Variants in PCDHA4 observed in about 807,000 individuals in gnomAD.
PCDHA4 encodes the protein protocadherin alpha-4.
Under a neutral mutation model 61.4 loss-of-function variants are expected in PCDHA4, and 49 were observed. The ratio of observed to expected loss-of-function variants is 0.80; its 90% CI spans 0.63 to 1.01. The LOEUF (loss-of-function observed/expected upper bound fraction) is 1.01, where lower values mean the gene tolerates loss of function less well. PCDHA4 is among the 50% of genes least tolerant of loss of function. The probability of loss-of-function intolerance (pLI) is 0.00; values close to 1 mark genes in which losing one functional copy is unlikely to be tolerated. For missense variants in PCDHA4, 1,254 were observed against 1,235.8 expected, an observed-to-expected ratio of 1.01 and a Z score of -0.22; for synonymous variants, 590 against 550.3, an observed-to-expected ratio of 1.07 and a Z score of -1.01.
At chr5:140,863,693 C>G (rs2048122696) in intron 1 of PCDHA4, 2 of 301,444 alleles carry the variant, frequency 6.6e-6, no homozygotes, top group African/African-American at 2.2e-5. Flanking sequence ...TTTTGAGATG[C>G]TTTATTTAAA....
intron 1 of PCDHA4, among the ~76,000 whole-genome samples, chr5:140,941,845 C>T (rs2093180727): frequency 6.6e-6 from 1 of 152,160 alleles, no homozygotes. Context: ...GCTGCCATTA[C>T]CTGATATTCC....
At chr5:140,926,557 C>G (rs2083347198) in intron 1 of PCDHA4, 1 of 241,254 alleles carries the variant, frequency 4.1e-6, no homozygotes. Context: ...GACCCCAGCC[C>G]GCTGCTACTG....
chr5:141,009,627 A>G lies in PCDHA4; in HGVS notation c.2534A>G (p.Glu845Gly), dbSNP rs782179145. 6.2e-7 allele frequency: 1 copy of G among 1,612,842 alleles called. No individual in the cohort carries two copies. The highest frequency in any genetic ancestry group is 1.1e-5 in the South Asian group (1 of 90,980). The change falls in exon 4 of 4, where the codon GAA becomes GGA. Residue 845 changes from glutamate (E) to glycine (G), a missense_variant and splice_region_variant. By Grantham distance (98) the Glu-to-Gly change is moderately conservative (BLOSUM62 -2). Coordinates refer to ENST00000530339, the MANE Select transcript of PCDHA4 (RefSeq NM_018907.4). Reference protein sequence around the residue: ...QWPTVSSATPEPEAGEVSPPV... With the variant: ...QWPTVSSATPGPEAGEVSPPV... ...TGATTTGTAATGTTTTGTCTTTCAGAACCAGAGGCAGGAGAAGTGTCCCCT... is the reference window on the plus strand; with the variant it reads ...TGATTTGTAATGTTTTGTCTTTCAGGACCAGAGGCAGGAGAAGTGTCCCCT...
intron 3 of PCDHA4, among the ~76,000 whole-genome samples, chr5:141,002,135 G>C (rs1265359430): frequency 2.6e-5 from 4 of 152,236 alleles, no homozygotes; most frequent in Admixed American, 2.6e-4. Flanking sequence ...AGCCTTTGCC[G>C]GCTGCACTGA....
At position 140,809,412 on chromosome 5, in the gene PCDHA4, C is replaced by A. The variant is rs1428831386; in HGVS notation, c.2225C>A (p.Ser742Tyr). ...CCGGGCAAGCCCACGCTGGTGTGCTCCAGTGCGGTGGGGAGCTGGTCATAC... is the reference window on the plus strand; with the variant it reads ...CCGGGCAAGCCCACGCTGGTGTGCTACAGTGCGGTGGGGAGCTGGTCATAC... ...CAPGKPTLVCSSAVGSWSYSQ... is the reference protein window; with the variant it reads ...CAPGKPTLVCYSAVGSWSYSQ... The change falls in exon 1 of 4, where the codon TCC becomes TAC. Residue 742 changes from serine (S) to tyrosine (Y), a missense_variant. Coordinates refer to ENST00000530339, the MANE Select transcript of PCDHA4 (RefSeq NM_018907.4). 1.2e-5 allele frequency: 20 copies of A among 1,614,092 alleles called. No individual in the cohort carries two copies. Among genetic ancestry groups the A allele is most frequent in the Non-Finnish European group, 1.7e-5 (20 of 1,180,034 alleles).
rs1554125155 is a variant in PCDHA4 at position 140,809,341 on chromosome 5, C to A, written c.2154C>A (p.Tyr718Ter). 4 of 1,613,952 alleles carry A rather than the reference C, an allele frequency of 2.5e-6. No homozygotes were observed. In the Admixed American group the frequency reaches 6.7e-5, roughly 27 times the overall value. Reference protein sequence around the residue: ...SSLLVLTLLLYTALRCSALPT... With the variant: ...SSLLVLTLLL Reference sequence around the variant, plus strand: ...TTTTGGTGCTCACGCTGCTGCTGTACACCGCGCTGCGGTGCTCTGCGCTGC... The same window carrying A: ...TTTTGGTGCTCACGCTGCTGCTGTAAACCGCGCTGCGGTGCTCTGCGCTGC... Residue 718 changes from tyrosine (Y) to a stop codon, truncating the protein, a stop_gained, in exon 1 of 4, where the codon TAC becomes TAA. Transcript: ENST00000530339. LOFTEE classifies it high-confidence loss of function.
intron 1 of PCDHA4, chr5:140,850,917 T>G: frequency 6.5e-7 from 1 of 1,530,140 alleles, no homozygotes; most frequent in Non-Finnish European, 8.8e-7. Context: ...TTTATTTATT[T>G]ATATAATTTT....
chr5:140,822,200 T>G, intron 1 of PCDHA4: 1 of 1,614,242 alleles, frequency 6.2e-7, no homozygotes, highest in Non-Finnish European at 8.5e-7. Flanking sequence ...TTATTCATTT[T>G]AGAGTCAAGA....
intron 1 of PCDHA4, among the ~76,000 whole-genome samples, chr5:140,953,094 C>A (rs2094845891): frequency 6.6e-6 from 1 of 152,172 alleles, no homozygotes; most frequent in South Asian, 2.1e-4. Flanking sequence ...TACAATTTGA[C>A]ATGAGATTTG....
chr5:140,883,557 G>T, intron 1 of PCDHA4: 1 of 1,614,214 alleles, frequency 6.2e-7, no homozygotes, highest in South Asian at 1.1e-5. Flanking sequence ...GCGCGGGACG[G>T]GGGCTCGCCT....
At chr5:140,925,978 T>G (rs2082847274) in intron 1 of PCDHA4, among the ~76,000 whole-genome samples, 1 of 152,164 alleles carries the variant, frequency 6.6e-6, no homozygotes, top group Admixed American at 6.5e-5. Flanking sequence ...AAAAAAGCCT[T>G]GAGCTCGCTG....
chr5:140,933,646 A>G (rs1459396156), intron 1 of PCDHA4, among the ~76,000 whole-genome samples: 16 of 152,120 alleles, frequency 1.1e-4, no homozygotes, highest in African/African-American at 3.9e-4. Flanking sequence ...AACAAGTTGG[A>G]AATCCTGTCT....
chr5:140,919,709 G>T (rs782509447), intron 1 of PCDHA4, among the ~76,000 whole-genome samples: 5 of 152,076 alleles, frequency 3.3e-5, no homozygotes, highest in Non-Finnish European at 7.4e-5. Context: ...CTTAATTCTA[G>T]TGAGATATAA....
In PCDHA4 at chr5:140,849,670, A is replaced by G. The variant is rs2150444272; in HGVS notation, c.2385+40098A>G. On this transcript the variant is annotated intron_variant, in intron 1 of 3. Coordinates refer to ENST00000530339, the MANE Select transcript of PCDHA4 (RefSeq NM_018907.4). The stretch of plus-strand genomic sequence containing the variant: ...CAGGTTACCTGCTCCCTGACGCCCC[A>G]CGTCCCCTTCAAGCTGGTGTCCACC... The G allele has an allele frequency of 1.7e-5, 27 of 1,598,602 alleles. 2 individuals carry two copies. The highest frequency in any genetic ancestry group is 9.9e-5 in the South Asian group (9 of 90,546).
intron 1 of PCDHA4, chr5:140,862,791 G>A (rs782639549): frequency 1.7e-6 from 1 of 578,844 alleles, no homozygotes; most frequent in Non-Finnish European, 3.3e-6. Context: ...TGGACTACGA[G>A]GAGCTGGAGC....
intron 1 of PCDHA4, among the ~76,000 whole-genome samples, chr5:140,952,079 C>A (rs2094682960): frequency 6.6e-6 from 1 of 152,162 alleles, no homozygotes; most frequent in South Asian, 2.1e-4. Flanking sequence ...TTCATTGACT[C>A]CATGTCTCAC....
At chr5:141,000,361 GTCTCTCTCTCTCTCTCTC>G (rs148596731) in intron 3 of PCDHA4, among the ~76,000 whole-genome samples, 25 of 26,446 alleles carry the variant, frequency 9.5e-4, no homozygotes, top group African/African-American at 4.9e-3. Context: ...GTCTCTCTCT[GTCTCTCTCTCTCTCTCTC>G]TCTCTCTCTC....
chr5:140,996,111 G>C (rs981356405), intron 3 of PCDHA4, among the ~76,000 whole-genome samples: 1 of 152,220 alleles, frequency 6.6e-6, no homozygotes, highest in East Asian at 1.9e-4. Context: ...GTATGGAAGT[G>C]TGCAGGGTGG....
intron 1 of PCDHA4, among the ~76,000 whole-genome samples, chr5:140,952,351 A>G (rs1217158530): frequency 8.3e-6 from 1 of 120,612 alleles, no homozygotes; most frequent in Non-Finnish European, 1.8e-5. Flanking sequence ...AAAAAAAAAA[A>G]AAAGAAAGAA....
Sources: allele counts gnomAD v4.1 joint callset (sites outside exome capture counted in the v4.1 genomes callset), GRCh38; gene constraint gnomAD v4.1.1; transcripts MANE v1.5; gene names NCBI Gene and HGNC (gene_info 2026-07-23, HGNC 2026-07-21).